GABRB2: variants seen among roughly 807,000 people sequenced by gnomAD.
GABRB2 encodes the protein gamma-aminobutyric acid type A receptor subunit beta2.
Under a neutral mutation model 54.7 loss-of-function variants are expected in GABRB2, and 16 were observed. That is an observed-to-expected ratio of 0.29 (90% confidence interval 0.20 to 0.44). GABRB2 has a LOEUF of 0.44. Among genes scored for constraint, GABRB2 ranks in the 20% least tolerant of loss-of-function variants. The probability of loss-of-function intolerance (pLI) is 1.00; values close to 1 mark genes in which losing one functional copy is unlikely to be tolerated. For synonymous variants in GABRB2, 244 were observed against 233.8 expected, an observed-to-expected ratio of 1.04 and a Z score of -0.40; for missense variants, 355 against 644.0, an observed-to-expected ratio of 0.55 and a Z score of 4.86.
At chr5:161,441,678 A>G (rs931261531) in intron 4 of GABRB2, among the ~76,000 whole-genome samples, 3 of 152,206 alleles carry the variant, frequency 2.0e-5, no homozygotes, top group African/African-American at 7.2e-5. Flanking sequence ...ACTGTTTACA[A>G]TGGCTAAGAT....
chr5:161,417,623 C>A (rs1039828018), intron 4 of GABRB2, among the ~76,000 whole-genome samples: 6 of 152,114 alleles, frequency 3.9e-5, no homozygotes, highest in African/African-American at 1.4e-4. Context: ...TGTTCTGTGA[C>A]CTTGTATATT....
At chr5:161,405,438 T>C (rs542451612) in intron 5 of GABRB2, among the ~76,000 whole-genome samples, 3 of 152,216 alleles carry the variant, frequency 2.0e-5, no homozygotes, top group African/African-American at 7.2e-5. Context: ...ATTATCTTAT[T>C]ACCTTTAAGG....
At chr5:161,417,350 C>T (rs1756707777) in intron 4 of GABRB2, among the ~76,000 whole-genome samples, 1 of 152,140 alleles carries the variant, frequency 6.6e-6, no homozygotes, top group African/African-American at 2.4e-5. Flanking sequence ...TGAGTTAAGT[C>T]ATATTGTTAT....
intron 4 of GABRB2, among the ~76,000 whole-genome samples, chr5:161,442,428 A>C (rs1561651685): frequency 6.6e-6 from 1 of 152,214 alleles, no homozygotes; most frequent in Non-Finnish European, 1.5e-5. Flanking sequence ...CCACCAGGAC[A>C]CTGAAGCAGC....
intron 4 of GABRB2, among the ~76,000 whole-genome samples, chr5:161,429,363 A>AAAAAAAAAG (rs1217636539): frequency 1.3e-5 from 2 of 149,594 alleles, no homozygotes; most frequent in Non-Finnish European, 3.0e-5. Flanking sequence ...AAAAAAGAAA[A>AAAAAAAAAG]AGAAAAAAAA....
chr5:161,360,507 C>T (rs1265899292), intron 5 of GABRB2, among the ~76,000 whole-genome samples: 1 of 152,184 alleles, frequency 6.6e-6, no homozygotes, highest in Admixed American at 6.5e-5. Context: ...CAACAGTCAA[C>T]ACTGGATGAT....
chr5:161,494,451 ACTGT>A lies in GABRB2; in HGVS notation c.238-34611_238-34608del, dbSNP rs1402593857. 4.0e-5 allele frequency among the ~76,000 whole-genome samples: 6 copies of A among 151,832 alleles called. No homozygotes were observed. In the East Asian group the frequency reaches 1.2e-3, roughly 29 times the overall value. ...GTAAATCATGGTTGTTTTACTGTAT[ACTGT>A]CTAAGTAAGTTGACTTATGGTTAGA... is the stretch of plus-strand genomic sequence containing the variant. On this transcript the variant is annotated intron_variant, in intron 3 of 9. Transcript: ENST00000393959.
chr5:161,368,951 C>A (rs1290464363), intron 5 of GABRB2, among the ~76,000 whole-genome samples: 1 of 152,100 alleles, frequency 6.6e-6, no homozygotes, highest in Non-Finnish European at 1.5e-5. Context: ...TAATGTAGGG[C>A]CCTGCATAGC....
At chr5:161,307,535 T>C (rs188110712) in intron 9 of GABRB2, among the ~76,000 whole-genome samples, 1 of 152,352 alleles carries the variant, frequency 6.6e-6, no homozygotes, top group Non-Finnish European at 1.5e-5. Flanking sequence ...CTCTGCTGAT[T>C]AGCTATGTGA....
At chr5:161,318,881 T>C (rs898130618) in intron 9 of GABRB2, among the ~76,000 whole-genome samples, 9 of 151,966 alleles carry the variant, frequency 5.9e-5, no homozygotes, top group African/African-American at 2.2e-4. Flanking sequence ...TTTATTAAAA[T>C]CTTATTACTG....
intron 5 of GABRB2, among the ~76,000 whole-genome samples, chr5:161,364,728 C>G (rs1754926390): frequency 6.6e-6 from 1 of 152,036 alleles, no homozygotes. Context: ...TGATAATTAG[C>G]CACTTAACCT....
At chr5:161,482,953 T>C (rs1055055885) in intron 3 of GABRB2, among the ~76,000 whole-genome samples, 1 of 152,012 alleles carries the variant, frequency 6.6e-6, no homozygotes, top group Non-Finnish European at 1.5e-5. Flanking sequence ...ACAATGATAG[T>C]TCCACTAATT....
At chr5:161,338,364 C>T (rs1296449172) in intron 5 of GABRB2, among the ~76,000 whole-genome samples, 11 of 152,108 alleles carry the variant, frequency 7.2e-5, no homozygotes, top group Admixed American at 7.2e-4. Context: ...TTGCAAACAC[C>T]ACAAACTATA....
At chr5:161,405,372 C>A (rs1286388109) in intron 5 of GABRB2, among the ~76,000 whole-genome samples, 1 of 152,048 alleles carries the variant, frequency 6.6e-6, no homozygotes, top group East Asian at 1.9e-4. Context: ...ATAATGATAA[C>A]AGCTGCTACT....
chr5:161,536,970 T>C (rs1185266266), intron 3 of GABRB2, among the ~76,000 whole-genome samples: 10 of 151,932 alleles, frequency 6.6e-5, no homozygotes. Flanking sequence ...AAGTGTAGTC[T>C]TCGACCACCG....
chr5:161,536,576 C>T (rs1424684293), intron 3 of GABRB2, among the ~76,000 whole-genome samples: 5 of 152,110 alleles, frequency 3.3e-5, no homozygotes, highest in Non-Finnish European at 7.4e-5. Context: ...TTTGTATCTT[C>T]AACCTACTCC....
At chr5:161,350,043 G>A (rs1754428934) in intron 5 of GABRB2, among the ~76,000 whole-genome samples, 1 of 152,092 alleles carries the variant, frequency 6.6e-6, no homozygotes, top group Non-Finnish European at 1.5e-5. Flanking sequence ...AGCAAATTAG[G>A]TATAGAAGGA....
At chr5:161,333,443 C>A (rs1040764239) in intron 7 of GABRB2, among the ~76,000 whole-genome samples, 8 of 152,160 alleles carry the variant, frequency 5.3e-5, no homozygotes, top group African/African-American at 1.9e-4. Flanking sequence ...CTTGACTCAG[C>A]CTGAGAGGTC....
At chr5:161,304,488 G>C (rs1396049924) in intron 9 of GABRB2, among the ~76,000 whole-genome samples, 4 of 152,160 alleles carry the variant, frequency 2.6e-5, no homozygotes, top group African/African-American at 4.8e-5. Flanking sequence ...AGGCCTTGCT[G>C]TGGCAACTTC....
Sources: gnomAD v4.1 joint callset for allele counts (sites outside exome capture counted in the v4.1 genomes callset) on GRCh38, gnomAD v4.1.1 for gene constraint, MANE v1.5 for transcripts, NCBI Gene and HGNC (gene_info 2026-07-23, HGNC 2026-07-21) for gene names.